HERC1: variants seen among roughly 807,000 people sequenced by gnomAD.
HERC1 encodes HECT and RLD domain containing E3 ubiquitin protein ligase family member 1.
HERC1 carries 160 observed loss-of-function variants against 554.3 expected under a neutral mutation model. The observed-to-expected ratio is 0.29, with a 90% CI of 0.25 to 0.33. HERC1 has a LOEUF of 0.33. HERC1 is among the 10% of genes least tolerant of loss of function. The pLI is 1.00. For missense variants in HERC1, 4,919 were observed against 5,918.5 expected (o/e 0.83, Z 5.54); for synonymous variants, 2,175 against 2,131.7 (o/e 1.02, Z -0.56).
At chr15:63,620,618 T>C (rs1363524095) in intron 74 of HERC1, among the ~76,000 whole-genome samples, 2 of 152,128 alleles carry the variant, frequency 1.3e-5, no homozygotes, top group Admixed American at 6.5e-5. Context: ...ATTATTATTG[T>C]GTGGGAGTCT....
intron 19 of HERC1, among the ~76,000 whole-genome samples, chr15:63,720,104 T>C (rs1376215683): frequency 1.9e-4 from 3 of 15,828 alleles, no homozygotes; most frequent in East Asian, 6.1e-4. Context: ...TTTTCTTCCC[T>C]TTTTTTTTTT....
chr15:63,674,091 A>G (rs1405883348), intron 38 of HERC1, among the ~76,000 whole-genome samples: 1 of 152,316 alleles, frequency 6.6e-6, no homozygotes. Context: ...TTTGTTTTAC[A>G]AAATGTAGTA....
At chr15:63,721,312 T>C (rs1232113381) in intron 19 of HERC1, among the ~76,000 whole-genome samples, 1 of 152,116 alleles carries the variant, frequency 6.6e-6, no homozygotes, top group African/African-American at 2.4e-5. Context: ...TCACCTGAGG[T>C]CACGAGTTCG....
At chr15:63,688,669 T>C (rs536834011) in intron 33 of HERC1, among the ~76,000 whole-genome samples, 1 of 152,274 alleles carries the variant, frequency 6.6e-6, no homozygotes, top group African/African-American at 2.4e-5. Flanking sequence ...AACAGGCCAT[T>C]CTATCAAAGT....
intron 37 of HERC1, among the ~76,000 whole-genome samples, chr15:63,676,315 T>C (rs1481197683): frequency 6.6e-6 from 1 of 152,184 alleles, no homozygotes; most frequent in Non-Finnish European, 1.5e-5. Flanking sequence ...GTTTCTTAGC[T>C]TGGTAGAATG....
intron 14 of HERC1, among the ~76,000 whole-genome samples, chr15:63,732,711 T>C (rs1434043416): frequency 6.6e-6 from 1 of 152,232 alleles, no homozygotes; most frequent in Admixed American, 6.5e-5. Context: ...ATCAGAAAAA[T>C]CTGGTAAAAT....
intron 1 of HERC1, among the ~76,000 whole-genome samples, chr15:63,776,069 C>T (rs1442742859): frequency 6.6e-6 from 1 of 150,576 alleles, no homozygotes; most frequent in African/African-American, 2.4e-5. Context: ...TGTTAAAAAA[C>T]AGTAATTTCT....
rs772091932 is a variant in HERC1, at chr15:63,729,292, G to A, written c.3098C>T (p.Ser1033Phe). The A allele has an allele frequency of 1.2e-6, 2 of 1,611,724 alleles. No homozygotes were observed. Among genetic ancestry groups the A allele is most frequent in the African/African-American group, 1.3e-5 (1 of 74,998 alleles). ...AGGACTTTCTTTGAGCAAATTTGCA[G>A]AACGTGAATAAATATCTGTGGCATG... Reference protein sequence around the residue: ...LPHATDIYSRSANLLKESPWN... With the variant: ...LPHATDIYSRFANLLKESPWN... The change falls in exon 16 of 78, where the codon TCT (serine) becomes TTT (phenylalanine). Residue 1033 changes from serine to phenylalanine, a missense_variant. Around this residue, in one of 11 missense-constraint regions of HERC1, gnomAD observed 1,121 missense variants for 1,244.0 expected, o/e 0.90. Coordinates refer to ENST00000443617, the MANE Select transcript of HERC1 (RefSeq NM_003922.4).
chr15:63,780,024 A>AG (rs2076241893), intron 1 of HERC1: 1 of 151,640 alleles, frequency 6.6e-6, no homozygotes, highest in African/African-American at 2.4e-5. Context: ...AAAAAAAAAA[A>AG]AAAAAAAAGA....
At chr15:63,696,543 TAG>T (rs945836090) in intron 26 of HERC1, among the ~76,000 whole-genome samples, 1 of 152,164 alleles carries the variant, frequency 6.6e-6, no homozygotes, top group African/African-American at 2.4e-5. Context: ...TAAAAAAGGT[TAG>T]AGTACAATAG....
intron 37 of HERC1, among the ~76,000 whole-genome samples, chr15:63,676,901 A>G (rs2071240089): frequency 6.6e-6 from 1 of 152,264 alleles, no homozygotes; most frequent in African/African-American, 2.4e-5. Flanking sequence ...AAATGATACA[A>G]TTATGTAGAG....
At chr15:63,658,476 C>T in intron 48 of HERC1, 68 bp downstream of exon 48, 1 of 1,413,404 alleles carries the variant, frequency 7.1e-7, no homozygotes, top group Non-Finnish European at 9.6e-7. Flanking sequence ...CTCCCAAACA[C>T]CACCAGACTT....
chr15:63,699,071 GTGC>G, intron 25 of HERC1, 75 bp from the exon 26 acceptor site: 1 of 1,325,026 alleles, frequency 7.5e-7, no homozygotes, highest in East Asian at 2.3e-5. Context: ...ATAAGGCTGA[GTGC>G]TGCTACCATA....
chr15:63,757,480 T>C (rs7164926), intron 4 of HERC1, among the ~76,000 whole-genome samples: 72,899 of 151,684 alleles, frequency 0.48, 18,429 homozygotes, highest in Non-Finnish European at 0.55. Context: ...TTGGTCAAGC[T>C]AGTCTCGAAC....
At chr15:63,615,747 T>G in intron 76 of HERC1, 21 bp downstream of exon 76, 2 of 1,561,110 alleles carry the variant, frequency 1.3e-6, no homozygotes, top group African/African-American at 2.8e-5. Flanking sequence ...CATGTGTACC[T>G]CCCGAGATGT....
In HERC1 at chr15:63,718,122, AC is replaced by A. The variant is rs1258678637; in HGVS notation, c.3978+451del. On this transcript the variant is annotated intron_variant, in intron 21 of 77. Coordinates refer to ENST00000443617, the MANE Select transcript of HERC1 (RefSeq NM_003922.4). The surrounding 1 kb of genome is among the most constrained non-coding windows in gnomAD (Gnocchi z 4.2). ...CACACACACACACACACACACACAC[AC>A]AACCCCCTCCTTGGTTTTCACTTCT... Among the ~76,000 whole-genome samples the A allele has an allele frequency of 6.1e-5, 1 of 16,514 alleles. No individual in the cohort carries two copies. The highest frequency in any genetic ancestry group is 2.7e-4 in the Non-Finnish European group (1 of 3,708). 10.8% of individuals were successfully genotyped at this position (16,514 alleles called of 152,430 possible).
chr15:63,742,195 T>TA (rs2074839382), intron 12 of HERC1, among the ~76,000 whole-genome samples: 10 of 152,252 alleles, frequency 6.6e-5, no homozygotes, highest in Admixed American at 6.5e-4. Context: ...GTACAAGTCT[T>TA]ACACTTCTTT....
chr15:63,628,998 T>C (rs976851510), intron 69 of HERC1, among the ~76,000 whole-genome samples, 183 bp from the exon 70 acceptor site: 3 of 151,628 alleles, frequency 2.0e-5, no homozygotes, highest in Admixed American at 6.6e-5. Context: ...TTGTCCAGGC[T>C]GGAGTGCAGT....
At position 63,694,068 on chromosome 15, in the gene HERC1, C is replaced by G; in HGVS notation, c.5570G>C (p.Gly1857Ala). 1.2e-6 allele frequency: 2 copies of G among 1,609,010 alleles called. No individual in the cohort carries two copies. The highest frequency in any genetic ancestry group is 1.7e-6 in the Non-Finnish European group (2 of 1,177,540). ...SQLKNLLSQT[G>A]VLHMASFGEG... ...TCCGAAAGAGGCCATATGTAGTACA[C>G]CAGTTTGGGACAATAAATTCTTCAA... is the stretch of plus-strand genomic sequence containing the variant. Residue 1857 changes from glycine (G) to alanine (A), a missense_variant, in exon 30 of 78, where the codon GGT becomes GCT. Transcript: ENST00000443617. This position sits in a 1 kb window ranked among gnomAD's most constrained non-coding sequence, Gnocchi z 4.3.
Sources: allele counts gnomAD v4.1 joint callset (sites outside exome capture counted in the v4.1 genomes callset), GRCh38; gene constraint gnomAD v4.1.1; regional missense constraint gnomAD v4.1.1; non-coding constraint Gnocchi (gnomAD v3.1); transcripts MANE v1.5; gene names NCBI Gene and HGNC (gene_info 2026-07-23, HGNC 2026-07-21).